The following UGT1A10 variants were observed in gnomAD, a reference collection of about 807,000 sequenced individuals.
UGT1A10 encodes the protein UDP glucuronosyltransferase family 1 member A10.
Under a neutral mutation model 45.8 loss-of-function variants are expected in UGT1A10, and 49 were observed. The ratio of observed to expected loss-of-function variants is 1.07; its 90% CI spans 0.85 to 1.36. The LOEUF (loss-of-function observed/expected upper bound fraction) is 1.36. UGT1A10 is among the 40% of genes most tolerant of loss of function. The pLI, the probability that UGT1A10 is intolerant of heterozygous loss-of-function variation, is 0.00. For synonymous variants in UGT1A10, 284 were observed against 249.7 expected (o/e 1.14, Z -1.29); for missense variants, 745 against 668.6 (o/e 1.11, Z -1.26).
intron 1 of UGT1A10, among the ~76,000 whole-genome samples, chr2:233,656,206 TG>T (rs2073849488): frequency 6.6e-6 from 1 of 152,200 alleles, no homozygotes; most frequent in African/African-American, 2.4e-5. Context: ...GTGTTCACCC[TG>T]GGGTGGAGAC....
At chr2:233,755,201 G>T (rs745426123) in intron 1 of UGT1A10, 6 of 1,105,450 alleles carry the variant, frequency 5.4e-6, no homozygotes, top group Non-Finnish European at 7.7e-6. Flanking sequence ...CCAGCTTGCG[G>T]TACGCCTTCT....
intron 1 of UGT1A10, among the ~76,000 whole-genome samples, chr2:233,747,054 T>C (rs1171712187): frequency 6.6e-6 from 1 of 151,960 alleles, no homozygotes; most frequent in Non-Finnish European, 1.5e-5. Flanking sequence ...AAGACAATGA[T>C]TGGTTAATCG....
chr2:233,678,264 C>T (rs1040273160), intron 1 of UGT1A10, among the ~76,000 whole-genome samples: 1 of 152,188 alleles, frequency 6.6e-6, no homozygotes, highest in African/African-American at 2.4e-5. Context: ...CAGCATCACA[C>T]AATATACTCA....
At chr2:233,668,860 C>T (rs1222445412) in intron 1 of UGT1A10, among the ~76,000 whole-genome samples, 1 of 152,234 alleles carries the variant, frequency 6.6e-6, no homozygotes, top group Non-Finnish European at 1.5e-5. Context: ...GACATTTACT[C>T]ATCACATTTG....
chr2:233,658,606 G>A (rs998803784), intron 1 of UGT1A10, among the ~76,000 whole-genome samples: 5 of 152,162 alleles, frequency 3.3e-5, no homozygotes, highest in Non-Finnish European at 7.3e-5. Context: ...ATGTTTCTCA[G>A]TCTTGGTTTG....
intron 1 of UGT1A10, among the ~76,000 whole-genome samples, chr2:233,653,062 C>T (rs867009122): frequency 6.6e-5 from 10 of 152,140 alleles, no homozygotes; most frequent in Non-Finnish European, 1.0e-4. Flanking sequence ...TAAACATGTA[C>T]GTGCCTGACA....
At position 233,769,453 on chromosome 2, in the gene UGT1A10, GCATT is replaced by G; in HGVS notation, c.1295+1018_1295+1021del. The G allele has an allele frequency of 6.3e-7, 1 of 1,591,058 alleles. No homozygotes were observed. Among genetic ancestry groups the G allele is most frequent in the Non-Finnish European group, 8.6e-7 (1 of 1,161,716 alleles). Reference sequence around the variant, plus strand: ...TGCTCATGTGTGGGTGCACACGTGTGCATTCATATGCGTGTGTGTGTGTGTGCGT... The same window carrying G: ...TGCTCATGTGTGGGTGCACACGTGTGCATATGCGTGTGTGTGTGTGTGCGT... On this transcript the variant is annotated intron_variant, in intron 4 of 4. Coordinates refer to ENST00000344644, the MANE Select transcript of UGT1A10 (RefSeq NM_019075.4). This position sits in a 1 kb window ranked among gnomAD's most constrained non-coding sequence, Gnocchi z 4.4.
intron 1 of UGT1A10, chr2:233,743,112 A>G (rs1313139997): frequency 1.1e-5 from 4 of 354,674 alleles, no homozygotes; most frequent in Non-Finnish European, 1.7e-5. Flanking sequence ...GCTGTTCTGA[A>G]AGTAAAGTTC....
At chr2:233,765,000 T>A (rs907940038) in intron 1 of UGT1A10, among the ~76,000 whole-genome samples, 1 of 152,020 alleles carries the variant, frequency 6.6e-6, no homozygotes. Context: ...TTCCTGGTCA[T>A]GTTCCAAATC....
At chr2:233,743,050 C>T (rs577515653) in intron 1 of UGT1A10, 59 of 318,104 alleles carry the variant, frequency 1.9e-4, no homozygotes, top group South Asian at 1.5e-3. Flanking sequence ...CCGTGTAGTC[C>T]CAACGATAAG....
intron 1 of UGT1A10, chr2:233,719,396 C>T: frequency 6.2e-7 from 1 of 1,613,966 alleles, no homozygotes; most frequent in Non-Finnish European, 8.5e-7. Flanking sequence ...ATCCTTCCTC[C>T]TATATTCCTA....
intron 1 of UGT1A10, among the ~76,000 whole-genome samples, chr2:233,741,289 C>T (rs1426426367): frequency 2.6e-5 from 4 of 151,770 alleles, no homozygotes; most frequent in African/African-American, 7.3e-5. Context: ...GATTTATGTA[C>T]CCAATTGTGT....
At chr2:233,646,788 G>A (rs889014801) in intron 1 of UGT1A10, among the ~76,000 whole-genome samples, 1 of 152,108 alleles carries the variant, frequency 6.6e-6, no homozygotes, top group Admixed American at 6.5e-5. Flanking sequence ...ACATTTTCCT[G>A]TCTTCTTCTG....
intron 1 of UGT1A10, among the ~76,000 whole-genome samples, chr2:233,710,956 G>C (rs953635431): frequency 6.6e-6 from 1 of 152,214 alleles, no homozygotes. Context: ...ATGTCTCTGA[G>C]ATTGGCAGAG....
intron 1 of UGT1A10, among the ~76,000 whole-genome samples, chr2:233,722,827 A>G (rs908422971): frequency 6.7e-6 from 1 of 149,568 alleles, no homozygotes; most frequent in East Asian, 1.9e-4. Context: ...GTTATTTTGT[A>G]TTATAATAAG....
chr2:233,682,708 T>C (rs766002261), intron 1 of UGT1A10: 15 of 1,613,796 alleles, frequency 9.3e-6, no homozygotes, highest in Admixed American at 8.3e-5. Context: ...GAACTGACTT[T>C]GTTTTGGAGT....
intron 1 of UGT1A10, among the ~76,000 whole-genome samples, chr2:233,745,604 G>A (rs908621602): frequency 6.6e-6 from 1 of 151,572 alleles, no homozygotes; most frequent in African/African-American, 2.4e-5. Flanking sequence ...TTGGCACTTG[G>A]TAAGCACACA....
In UGT1A10 at chr2:233,660,366, C is replaced by T. The variant is rs765371353; in HGVS notation, c.855+22989C>T. 2.0e-5 allele frequency among the ~76,000 whole-genome samples: 3 copies of T among 152,142 alleles called. No individual in the cohort carries two copies. The East Asian group carries it at 5.8e-4, about 29-fold the overall frequency. On this transcript the variant is annotated intron_variant, in intron 1 of 4. Coordinates refer to ENST00000344644, the MANE Select transcript of UGT1A10 (RefSeq NM_019075.4). ...GAGATGATGTTTGAGGACATGGAGACCACTTTGGCTCCTTTTGTGTTGAAT... is the reference window on the plus strand; with the variant it reads ...GAGATGATGTTTGAGGACATGGAGATCACTTTGGCTCCTTTTGTGTTGAAT...
chr2:233,741,695 G>A (rs565346181), intron 1 of UGT1A10: 1 of 152,016 alleles, frequency 6.6e-6, no homozygotes, highest in East Asian at 1.9e-4. Flanking sequence ...ATTACATGCA[G>A]AGTGGACTCT....
Sources: allele counts gnomAD v4.1 joint callset (sites outside exome capture counted in the v4.1 genomes callset), GRCh38; gene constraint gnomAD v4.1.1; non-coding constraint Gnocchi (gnomAD v3.1); transcripts MANE v1.5; gene names NCBI Gene and HGNC (gene_info 2026-07-23, HGNC 2026-07-21).